Variants in GRAMD2B observed in about 807,000 individuals in gnomAD.
GRAMD2B encodes the protein GRAM domain-containing protein 2B.
Under a neutral mutation model 59.2 loss-of-function variants are expected in GRAMD2B, and 41 were observed. The observed-to-expected ratio is 0.69, with a 90% CI of 0.54 to 0.90. The LOEUF is 0.90. Among genes scored for constraint, GRAMD2B ranks in the 40% least tolerant of loss-of-function variants. GRAMD2B has a pLI of 0.00. For missense variants in GRAMD2B, 424 were observed against 500.5 expected (o/e 0.85, Z 1.46); for synonymous variants, 161 against 182.7 (o/e 0.88, Z 0.96).
chr5:126,419,336 G>A (rs1279231367), upstream of GRAMD2B, among the ~76,000 whole-genome samples: 2 of 152,060 alleles, frequency 1.3e-5, no homozygotes, highest in East Asian at 1.9e-4. Context: ...GAGAGAGAGC[G>A]AGAGAGAGCG....
At chr5:126,361,723 C>T (rs56319151) in intron 1 of GRAMD2B, among the ~76,000 whole-genome samples, 1,730 of 152,260 alleles carry the variant, frequency 0.011, 15 homozygotes, top group Non-Finnish European at 0.017. Context: ...CCCTACCTCA[C>T]GCTATAGAGT....
chr5:126,478,717 T>C (rs1360140545), intron 6 of GRAMD2B, among the ~76,000 whole-genome samples: 1 of 152,152 alleles, frequency 6.6e-6, no homozygotes, highest in Non-Finnish European at 1.5e-5. Flanking sequence ...CACTCCAGCC[T>C]GGGTGACAAA....
intron 1 of GRAMD2B, among the ~76,000 whole-genome samples, chr5:126,389,370 G>A (rs949344647): frequency 1.3e-5 from 2 of 152,088 alleles, no homozygotes; most frequent in African/African-American, 2.4e-5. Context: ...CAGTGATTTC[G>A]ATCTTCTCTC....
At chr5:126,423,741 A>C in intron 1 of GRAMD2B, 52 bp downstream of exon 1, 1 of 1,536,240 alleles carries the variant, frequency 6.5e-7, no homozygotes, top group Non-Finnish European at 8.8e-7. Flanking sequence ...AGCGCAGCCT[A>C]AACTTCTCTG....
At chr5:126,438,526 G>A (rs1334544673) in intron 1 of GRAMD2B, among the ~76,000 whole-genome samples, 1 of 152,196 alleles carries the variant, frequency 6.6e-6, no homozygotes, top group Admixed American at 6.5e-5. Flanking sequence ...TCTTAGTGAA[G>A]TCATGACAAG....
intron 2 of GRAMD2B, chr5:126,467,690 A>G (rs1039589224): frequency 3.9e-5 from 6 of 152,206 alleles, no homozygotes; most frequent in African/African-American, 1.4e-4. Flanking sequence ...TTATTTTCAA[A>G]TAGAGAACAA....
intron 1 of GRAMD2B, among the ~76,000 whole-genome samples, chr5:126,446,665 G>A (rs1436546537): frequency 6.6e-6 from 1 of 151,248 alleles, no homozygotes; most frequent in African/African-American, 2.4e-5. Context: ...ATTTGAGTAA[G>A]GTGTGACGGA....
intron 1 of GRAMD2B, among the ~76,000 whole-genome samples, chr5:126,408,511 G>A (rs1181416115): frequency 6.7e-6 from 1 of 149,312 alleles, no homozygotes; most frequent in East Asian, 2.0e-4. Flanking sequence ...TTTTTTTTTT[G>A]TTTGGTTGGT....
intron 1 of GRAMD2B, among the ~76,000 whole-genome samples, chr5:126,434,733 G>T (rs1053145449): frequency 1.3e-5 from 2 of 152,100 alleles, no homozygotes; most frequent in African/African-American, 4.8e-5. Flanking sequence ...TAGCCAGGAT[G>T]GTCTCGATCT....
chr5:126,485,687 TCTGTCAGAAA>T lies in GRAMD2B; in HGVS notation c.977_986del (p.Ser326LeufsTer29), dbSNP rs750171232. ...TGTTTTTTGTTTTCCTCCCAACAGG[TCTGTCAGAAA>T]CTGTTGGAATCTTACATAAAGTCAA... On this transcript the variant is annotated frameshift_variant and splice_region_variant, in exon 11 of 14. Coordinates refer to ENST00000285689, the MANE Select transcript of GRAMD2B (RefSeq NM_023927.4). LOFTEE classifies it high-confidence loss of function. The T allele has an allele frequency of 6.2e-7, 1 of 1,607,710 alleles. No individual in the cohort carries two copies. Among genetic ancestry groups the T allele is most frequent in the Non-Finnish European group, 8.5e-7 (1 of 1,175,462 alleles).
chr5:126,432,626 G>A (rs1380973045), intron 1 of GRAMD2B, among the ~76,000 whole-genome samples: 1 of 151,940 alleles, frequency 6.6e-6, no homozygotes, highest in Non-Finnish European at 1.5e-5. Flanking sequence ...TAAATATTAT[G>A]CAGGTTACTC....
At chr5:126,478,561 T>C (rs58522192) in intron 6 of GRAMD2B, among the ~76,000 whole-genome samples, 92,201 of 151,992 alleles carry the variant, frequency 0.61, 28,844 homozygotes, top group African/African-American at 0.71. Context: ...CGCAACATGG[T>C]GAAACCCTCT....
At chr5:126,482,083 A>C (rs572600612) in intron 8 of GRAMD2B, among the ~76,000 whole-genome samples, 1 of 152,238 alleles carries the variant, frequency 6.6e-6, no homozygotes, top group African/African-American at 2.4e-5. Flanking sequence ...AAAAGGCTAC[A>C]TACTGTATGA....
chr5:126,434,613 G>A lies in GRAMD2B; in HGVS notation c.83+10924G>A, dbSNP rs575787512. 3.0e-4 allele frequency among the ~76,000 whole-genome samples: 45 copies of A among 152,104 alleles called. 1 individual carries two copies. Among genetic ancestry groups the A allele is most frequent in the Non-Finnish European group, 6.2e-4 (42 of 67,998 alleles). ...GCTCACTGCAAGCTCCGCCTCCCGGGTCCACACCATTCACCTGCCTCAGCC... is the reference window on the plus strand; with the variant it reads ...GCTCACTGCAAGCTCCGCCTCCCGGATCCACACCATTCACCTGCCTCAGCC... On this transcript the variant is annotated intron_variant, in intron 1 of 13. Coordinates refer to ENST00000285689, the MANE Select transcript of GRAMD2B (RefSeq NM_023927.4).
chr5:126,364,375 T>A (rs1362548172), intron 1 of GRAMD2B, among the ~76,000 whole-genome samples: 1 of 152,222 alleles, frequency 6.6e-6, no homozygotes, highest in Non-Finnish European at 1.5e-5. Context: ...ATATTATAAT[T>A]AATGATGGAA....
intron 1 of GRAMD2B, among the ~76,000 whole-genome samples, chr5:126,387,271 C>T (rs1231965286): frequency 1.2e-4 from 4 of 33,320 alleles, no homozygotes; most frequent in African/African-American, 1.6e-4. Context: ...TTTAACTCTT[C>T]TGAAAAAAAA....
At chr5:126,361,094 T>C (rs1259508469) in intron 1 of GRAMD2B, among the ~76,000 whole-genome samples, 1 of 152,248 alleles carries the variant, frequency 6.6e-6, no homozygotes. Context: ...TATGTAGAGA[T>C]ATTTAATTTG....
chr5:126,440,375 A>T (rs1408992012), intron 1 of GRAMD2B, among the ~76,000 whole-genome samples: 2 of 152,248 alleles, frequency 1.3e-5, no homozygotes, highest in Non-Finnish European at 2.9e-5. Context: ...ATTCTGAAAG[A>T]TTGAAGCATT....
rs551215998 is a variant in GRAMD2B, at chr5:126,397,933, T to G, written c.125+26366T>G. Among the ~76,000 whole-genome samples the G allele has an allele frequency of 3.9e-5, 6 of 152,174 alleles. No individual in the cohort carries two copies. In the East Asian group the frequency reaches 9.7e-4, roughly 25 times the overall value. On this transcript the variant is annotated intron_variant, in intron 1 of 8. Transcript: ENST00000506445. ...TCTATTTTTTTGGAAAAATTTAAGATGGACTGCTATTAAGTCTTCTTTGAG... is the reference window on the plus strand; with the variant it reads ...TCTATTTTTTTGGAAAAATTTAAGAGGGACTGCTATTAAGTCTTCTTTGAG...
Sources: allele counts gnomAD v4.1 joint callset (sites outside exome capture counted in the v4.1 genomes callset), GRCh38; gene constraint gnomAD v4.1.1; transcripts MANE v1.5; gene names NCBI Gene and HGNC (gene_info 2026-07-23, HGNC 2026-07-21).